Variants in BIN1 observed in about 807,000 individuals in gnomAD.
The protein encoded by BIN1 is myc box-dependent-interacting protein 1.
A neutral mutation model predicts 82.0 loss-of-function variants in BIN1; 53 were observed. The ratio of observed to expected loss-of-function variants is 0.65; its 90% CI spans 0.52 to 0.81. The LOEUF (loss-of-function observed/expected upper bound fraction) is 0.81. Ranked by LOEUF, BIN1 falls within the 40% of genes least tolerant of loss-of-function variation. BIN1 has a pLI of 0.00. For synonymous variants in BIN1, 302 were observed against 328.0 expected (o/e 0.92, Z 0.86); for missense variants, 642 against 784.4 (o/e 0.82, Z 2.17).
chr2:127,057,503 G>A lies in BIN1; in HGVS notation c.1101C>T (p.Val367=). Residue 367 remains valine, a synonymous_variant, in exon 12 of 19, where the codon GTC becomes GTT. Coordinates refer to ENST00000316724, the MANE Select transcript of BIN1 (RefSeq NM_139343.3). This position sits in a 1 kb window ranked among gnomAD's most constrained non-coding sequence, Gnocchi z 5.0. ...AGGGGGTGGTCACGCTGATCTCAGG[G>A]ACAAACGTGTCCTCAAACAGGCTGA... ...QILSLFEDTF[V]PEISVTTPSQ... is the part of the protein sequence containing the mutation. 1 of 1,548,440 alleles carries A rather than the reference G, an allele frequency of 6.5e-7. No homozygotes were observed. The highest frequency in any genetic ancestry group is 2.0e-5 in the Admixed American group (1 of 50,930).
chr2:127,063,202 G>A (rs1161457672), intron 9 of BIN1, among the ~76,000 whole-genome samples: 1 of 152,242 alleles, frequency 6.6e-6, no homozygotes, highest in African/African-American at 2.4e-5. Flanking sequence ...AATTAAAATT[G>A]AGAAAATGCT....
At chr2:127,072,905 T>TA (rs1573662722) in intron 2 of BIN1, among the ~76,000 whole-genome samples, 1 of 152,146 alleles carries the variant, frequency 6.6e-6, no homozygotes, top group Non-Finnish European at 1.5e-5. Context: ...AGACGAGGAT[T>TA]AAAGTGTGTT....
chr2:127,080,807 C>A (rs1337427408), intron 1 of BIN1, among the ~76,000 whole-genome samples: 2 of 152,176 alleles, frequency 1.3e-5, no homozygotes, highest in Non-Finnish European at 2.9e-5. Context: ...AAAGTGTGAA[C>A]CCGTGGCCAG....
chr2:127,101,823 A>G (rs137930924), intron 1 of BIN1, among the ~76,000 whole-genome samples: 1 of 152,246 alleles, frequency 6.6e-6, no homozygotes, highest in Non-Finnish European at 1.5e-5. Flanking sequence ...GCATGCACAT[A>G]CACTCACTGC....
At position 127,082,073 on chromosome 2, in the gene BIN1, G is replaced by A. The variant is rs1687367939; in HGVS notation, c.85-5367C>T. On this transcript the variant is annotated intron_variant, in intron 1 of 18. Transcript: ENST00000316724. The surrounding 1 kb of genome is among the most constrained non-coding windows in gnomAD (Gnocchi z 6.1). ...CCCGGCCAGGCTTTCTCTGGGCCCA[G>A]TCCCGAGGGAGACACCCCAAGAGGC... Among the ~76,000 whole-genome samples the A allele has an allele frequency of 6.6e-6, 1 of 152,140 alleles. No homozygotes were observed. Among genetic ancestry groups the A allele is most frequent in the African/African-American group, 2.4e-5 (1 of 41,428 alleles).
chr2:127,082,452 C>T lies in BIN1; in HGVS notation c.85-5746G>A, dbSNP rs1021876214. ...GGGACATCGCAGGACAAGTCTGCAC[C>T]GAGACCAGGGTTGGCGTGGGCAGGC... is the stretch of plus-strand genomic sequence containing the variant. On this transcript the variant is annotated intron_variant, in intron 1 of 18. Transcript: ENST00000316724. The surrounding 1 kb of genome is among the most constrained non-coding windows in gnomAD (Gnocchi z 6.1). Among the ~76,000 whole-genome samples the T allele has an allele frequency of 5.3e-5, 8 of 152,114 alleles. No individual in the cohort carries two copies. The East Asian group carries it at 5.8e-4, about 11-fold the overall frequency.
Position 127,048,339 on chromosome 2 carries a change from T to C in BIN1, c.*187A>G. 2 of 608,870 alleles carry C rather than the reference T, an allele frequency of 3.3e-6. No individual in the cohort carries two copies. The highest frequency in any genetic ancestry group is 3.7e-5 in the African/African-American group (2 of 54,154). The allele number at this position is 608,870 out of a possible 1,614,324, so 37.7% of individuals were successfully genotyped here. On this transcript the variant is annotated 3_prime_UTR_variant, in exon 19 of 19. Transcript: ENST00000316724. ...GGAACACTGGTGAATTCCGCCGGACTTGCCGGGACGCGGCTCTTTGGAAAA... is the reference window on the plus strand; with the variant it reads ...GGAACACTGGTGAATTCCGCCGGACCTGCCGGGACGCGGCTCTTTGGAAAA...
At chr2:127,062,297 G>T in intron 9 of BIN1, 100 bp from the exon 10 acceptor site, 1 of 1,183,940 alleles carries the variant, frequency 8.4e-7, no homozygotes, top group Non-Finnish European at 1.2e-6. Context: ...CCCAGCCCCT[G>T]CCAGGAACAA....
At chr2:127,060,425 G>A (rs568540955) in intron 10 of BIN1, among the ~76,000 whole-genome samples, 41 of 152,226 alleles carry the variant, frequency 2.7e-4, no homozygotes, top group African/African-American at 9.4e-4. Context: ...AGCCCGCCCC[G>A]CGCCGCCTCC....
rs1031783832 is a variant in BIN1 at position 127,059,792 on chromosome 2, G to A, written c.858-637C>T. ...GAGGGGACAGGTCCTGAGCCATGGC[G>A]TTCAGTGCCAGAACCCAAGGCGGAG... On this transcript the variant is annotated intron_variant, in intron 10 of 18. Transcript: ENST00000316724. This position sits in a 1 kb window ranked among gnomAD's most constrained non-coding sequence, Gnocchi z 6.7. Among the ~76,000 whole-genome samples the A allele has an allele frequency of 1.3e-5, 2 of 152,166 alleles. No individual in the cohort carries two copies. Among genetic ancestry groups the A allele is most frequent in the African/African-American group, 2.4e-5 (1 of 41,438 alleles).
chr2:127,098,125 G>A lies in BIN1; in HGVS notation c.84+8735C>T, dbSNP rs192846043. Among the ~76,000 whole-genome samples, 127 of 152,322 alleles carry A rather than the reference G, an allele frequency of 8.3e-4. 1 individual carries two copies. The East Asian group carries it at 0.015, about 18-fold the overall frequency. On this transcript the variant is annotated intron_variant, in intron 1 of 18. Coordinates refer to ENST00000316724, the MANE Select transcript of BIN1 (RefSeq NM_139343.3). The stretch of plus-strand genomic sequence containing the variant: ...CTTAGGGTGTAAATGCGAAGCCATC[G>A]CTGCCTCTACCCAGGTGATCTGCAG...
intron 1 of BIN1, among the ~76,000 whole-genome samples, chr2:127,098,070 A>G (rs1679825393): frequency 1.3e-5 from 2 of 152,302 alleles, no homozygotes; most frequent in Middle Eastern, 3.4e-3. Context: ...GCAGGCACCC[A>G]CAGTGGGCAG....
chr2:127,068,826 G>T lies in BIN1; in HGVS notation c.519+98C>A. ...GTCCCCACCCCCAGTTCAGCCACCT[G>T]GGGCCAGGCAGGAGGAAGCCTCCAC... On this transcript the variant is annotated intron_variant, in intron 6 of 18. Coordinates refer to ENST00000316724, the MANE Select transcript of BIN1 (RefSeq NM_139343.3). The surrounding 1 kb of genome is among the most constrained non-coding windows in gnomAD (Gnocchi z 4.9). 1 of 1,221,760 alleles carries T rather than the reference G, an allele frequency of 8.2e-7. No homozygotes were observed. Among genetic ancestry groups the T allele is most frequent in the Non-Finnish European group, 1.2e-6 (1 of 835,358 alleles). The allele number at this position is 1,221,760 out of a possible 1,614,324, so 75.7% of individuals were successfully genotyped here. A position where few individuals can be genotyped will look rare whatever the true frequency, so the allele number is the denominator to read the frequency against.
intron 1 of BIN1, among the ~76,000 whole-genome samples, chr2:127,105,245 G>T (rs770060774): frequency 3.3e-5 from 5 of 152,152 alleles, no homozygotes; most frequent in Non-Finnish European, 5.9e-5. Context: ...CAGTGGGAAG[G>T]GGGCAGGGAA....
In BIN1 at chr2:127,067,046, G is replaced by C. The variant is rs1413481004; in HGVS notation, c.612+1117C>G. On this transcript the variant is annotated intron_variant, in intron 7 of 18. Transcript: ENST00000316724. This position sits in a 1 kb window ranked among gnomAD's most constrained non-coding sequence, Gnocchi z 4.7. Reference sequence around the variant, plus strand: ...TGATCACACCACTGCACTCCAGCCAGGGGAACGGAGAGAAACCCGTTCAAA... The same window carrying C: ...TGATCACACCACTGCACTCCAGCCACGGGAACGGAGAGAAACCCGTTCAAA... Among the ~76,000 whole-genome samples, 1 of 149,094 alleles carries C rather than the reference G, an allele frequency of 6.7e-6. No individual in the cohort carries two copies. The highest frequency in any genetic ancestry group is 1.5e-5 in the Non-Finnish European group (1 of 67,710).
intron 1 of BIN1, among the ~76,000 whole-genome samples, chr2:127,091,844 C>T (rs1036643761): frequency 2.0e-5 from 3 of 152,044 alleles, no homozygotes; most frequent in Admixed American, 6.5e-5. Context: ...CTGCAGCAAG[C>T]TATGATTGTG....
chr2:127,096,635 G>A (rs568495675), intron 1 of BIN1, among the ~76,000 whole-genome samples: 3 of 151,982 alleles, frequency 2.0e-5, no homozygotes, highest in Non-Finnish European at 2.9e-5. Flanking sequence ...GTCCAGCTCC[G>A]AGCTCCATCC....
chr2:127,078,852 C>T (rs1021517436), intron 1 of BIN1, among the ~76,000 whole-genome samples: 1 of 151,874 alleles, frequency 6.6e-6, no homozygotes, highest in South Asian at 2.1e-4. Flanking sequence ...AGGCACCCAC[C>T]CCACAGCCCC....
intron 7 of BIN1, 77 bp from the exon 8 acceptor site, chr2:127,064,095 C>T: frequency 6.5e-7 from 1 of 1,536,918 alleles, no homozygotes. Context: ...CTCCCACCTC[C>T]TGCCCACCCC....
Sources: gnomAD v4.1 joint callset for allele counts (sites outside exome capture counted in the v4.1 genomes callset) on GRCh38, gnomAD v4.1.1 for gene constraint, Gnocchi (gnomAD v3.1) non-coding constraint, MANE v1.5 for transcripts, NCBI Gene and HGNC (gene_info 2026-07-23, HGNC 2026-07-21) for gene names.